Variants in SETD4 observed in about 807,000 individuals in gnomAD.
The protein encoded by SETD4 is SET domain containing 4, also known as SET domain-containing protein 4.
A neutral mutation model predicts 58.3 loss-of-function variants in SETD4; 46 were observed. The ratio of observed to expected loss-of-function variants is 0.79; its 90% CI spans 0.62 to 1.01. SETD4 has a LOEUF of 1.01. SETD4 is among the 50% of genes least tolerant of loss of function. SETD4 has a pLI of 0.00. For missense variants in SETD4, 490 were observed against 523.3 expected (o/e 0.94, Z 0.62); for synonymous variants, 190 against 202.6 (o/e 0.94, Z 0.53).
chr21:36,051,272 CAGTG>C, intron 4 of SETD4: 1 of 1,595,218 alleles, frequency 6.3e-7, no homozygotes, highest in Non-Finnish European at 8.6e-7. Flanking sequence ...GCTCTGTTGA[CAGTG>C]ACCCTGAAAG....
At chr21:36,055,242 T>A (rs1355297192) in intron 3 of SETD4, among the ~76,000 whole-genome samples, 1 of 152,224 alleles carries the variant, frequency 6.6e-6, no homozygotes, top group Non-Finnish European at 1.5e-5. Flanking sequence ...ATGGAATACA[T>A]CTAGAAGATC....
Position 36,041,868 on chromosome 21 carries a change from G to A in SETD4, c.922C>T (p.Pro308Ser), listed in dbSNP as rs370464531. The A allele has an allele frequency of 1.9e-5, 27 of 1,457,974 alleles. No individual in the cohort carries two copies. In the African/African-American group the frequency reaches 3.4e-4, roughly 18 times the overall value. The allele number at this position is 1,457,974 out of a possible 1,614,324, so 90.3% of individuals were successfully genotyped here. Residue 308 changes from proline to serine, a missense_variant, in exon 8 of 12, where the codon CCA becomes TCA. Physicochemically the swap from Pro to Ser is moderately conservative, Grantham distance 74 (BLOSUM62 -1). Coordinates refer to ENST00000332131, the MANE Select transcript of SETD4 (RefSeq NM_017438.5). ...TTGTCCATCTGTTTATCTGTTGATGGAAGATATTTAACAAGTATTTCTATA... is the reference window on the plus strand; with the variant it reads ...TTGTCCATCTGTTTATCTGTTGATGAAAGATATTTAACAAGTATTTCTATA... ...VSREILVKYL[P>S]STDKQMDKKI...
rs374327781 is a variant in SETD4, at chr21:36,050,412, C to G, written c.208-2016G>C. 39 of 1,613,978 alleles carry G rather than the reference C, an allele frequency of 2.4e-5. No homozygotes were observed. In the South Asian group the frequency reaches 3.3e-4, roughly 14 times the overall value. ...CTTGGGTCTGCGGATCAATGGAGAGCTAATCACTGCCTACCCACAAGTGGT... is the reference window on the plus strand; with the variant it reads ...CTTGGGTCTGCGGATCAATGGAGAGGTAATCACTGCCTACCCACAAGTGGT... On this transcript the variant is annotated intron_variant, in intron 4 of 11. Coordinates refer to ENST00000332131, the MANE Select transcript of SETD4 (RefSeq NM_017438.5).
At chr21:36,054,262 T>C (rs1376860131) in intron 3 of SETD4, among the ~76,000 whole-genome samples, 4 of 152,220 alleles carry the variant, frequency 2.6e-5, no homozygotes, top group Admixed American at 2.0e-4. Context: ...TACCAATTAA[T>C]TCAATAAATT....
At chr21:36,056,769 G>C (rs1450583564) in intron 3 of SETD4, among the ~76,000 whole-genome samples, 2 of 152,026 alleles carry the variant, frequency 1.3e-5, no homozygotes, top group Admixed American at 1.3e-4. Context: ...TGTTGGCCAG[G>C]CTGGTCTCAA....
intron 4 of SETD4, chr21:36,050,932 G>A: frequency 6.2e-7 from 1 of 1,610,078 alleles, no homozygotes; most frequent in Non-Finnish European, 8.5e-7. Flanking sequence ...GGGATGATGT[G>A]TTCATTGAGT....
rs1428048600 is a variant in SETD4 at position 36,048,476 on chromosome 21, T to C, written c.208-80A>G. 14 of 1,285,506 alleles carry C rather than the reference T, an allele frequency of 1.1e-5. No individual in the cohort carries two copies. In the Admixed American group the frequency reaches 2.2e-4, roughly 20 times the overall value. The allele number at this position is 1,285,506 out of a possible 1,614,324, so 79.6% of individuals were successfully genotyped here. A position where few individuals can be genotyped will look rare whatever the true frequency, so the allele number is the denominator to read the frequency against. ...AGTATGAGTCTTACAAAGTCGTTGA[T>C]CCCACAATCACCTACCAGTAACCCA... On this transcript the variant is annotated intron_variant, in intron 4 of 11. Transcript: ENST00000332131.
rs536398661 is a variant in SETD4 at position 36,040,675 on chromosome 21, A to T, written c.984-20T>A. 1.9e-4 allele frequency: 308 copies of T among 1,597,036 alleles called. 3 individuals are homozygous for T. In the South Asian group the frequency reaches 3.2e-3, roughly 17 times the overall value. The stretch of plus-strand genomic sequence containing the variant: ...AAATTTCTGAAGTAGAAAAACAAAT[A>T]ATGACAAATCCATCATTTCAGTATT... On this transcript the variant is annotated intron_variant, in intron 8 of 11. Transcript: ENST00000332131.
At chr21:36,056,032 A>C (rs2064967200) in intron 3 of SETD4, among the ~76,000 whole-genome samples, 2 of 152,310 alleles carry the variant, frequency 1.3e-5, no homozygotes, top group Admixed American at 1.3e-4. Flanking sequence ...CAAAAACAGA[A>C]AGTCAAGCAT....
In SETD4 at chr21:36,055,809, T is replaced by A. The variant is rs192276735; in HGVS notation, c.169+1300A>T. ...TTTACTGCTCCAAATTACAAACAGA[T>A]GACCTATTCTCAGGTATTCCATCTA... On this transcript the variant is annotated intron_variant, in intron 3 of 11. Coordinates refer to ENST00000332131, the MANE Select transcript of SETD4 (RefSeq NM_017438.5). Among the ~76,000 whole-genome samples, 301 of 152,306 alleles carry A rather than the reference T, an allele frequency of 2.0e-3. 2 individuals carry two copies. Among genetic ancestry groups the A allele is most frequent in the African/African-American group, 7.0e-3 (289 of 41,554 alleles).
At chr21:36,037,679 G>A (rs2063848298) in intron 10 of SETD4, among the ~76,000 whole-genome samples, 1 of 151,270 alleles carries the variant, frequency 6.6e-6, no homozygotes, top group Non-Finnish European at 1.5e-5. Flanking sequence ...TAGGTACTAT[G>A]TTAACAGTCA....
chr21:36,045,562 C>T lies in SETD4; in HGVS notation c.726+20G>A, dbSNP rs2064279085. On this transcript the variant is annotated intron_variant, in intron 6 of 11. Coordinates refer to ENST00000332131, the MANE Select transcript of SETD4 (RefSeq NM_017438.5). ...CCTTCCTATCCAAATAGAATAGCTG[C>T]TCCCTTGTCAGCTTCTCACCTGGAC... The T allele has an allele frequency of 1.2e-6, 2 of 1,606,540 alleles. No homozygotes were observed. The highest frequency in any genetic ancestry group is 1.1e-5 in the South Asian group (1 of 90,886).
Position 36,043,762 on chromosome 21 carries a change from A to T in SETD4, c.901+20T>A. 1 of 1,612,870 alleles carries T rather than the reference A, an allele frequency of 6.2e-7. No homozygotes were observed. Among genetic ancestry groups the T allele is most frequent in the Non-Finnish European group, 8.5e-7 (1 of 1,179,534 alleles). On this transcript the variant is annotated intron_variant, in intron 7 of 11. Coordinates refer to ENST00000332131, the MANE Select transcript of SETD4 (RefSeq NM_017438.5). ...AAAAAATTATATAGTGTTAATGTTAAGAACAAAGTTGATTCCAACCTCTTG... is the reference window on the plus strand; with the variant it reads ...AAAAAATTATATAGTGTTAATGTTATGAACAAAGTTGATTCCAACCTCTTG...
chr21:36,051,683 T>C (rs1941397200), intron 4 of SETD4, among the ~76,000 whole-genome samples: 1 of 152,254 alleles, frequency 6.6e-6, no homozygotes, highest in Non-Finnish European at 1.5e-5. Context: ...TACTTTTTTT[T>C]TCATGGTCCC....
intron 5 of SETD4, among the ~76,000 whole-genome samples, chr21:36,046,380 T>C (rs1220075485): frequency 6.6e-6 from 1 of 152,180 alleles, no homozygotes; most frequent in Non-Finnish European, 1.5e-5. Context: ...ATATAAAATA[T>C]GGTGGGGAAA....
chr21:36,049,983 G>A (rs1207224220), intron 4 of SETD4, among the ~76,000 whole-genome samples: 1 of 152,122 alleles, frequency 6.6e-6, no homozygotes, highest in African/African-American at 2.4e-5. Flanking sequence ...TAATACTACT[G>A]AACTTCAAAA....
At chr21:36,046,863 A>G (rs1372413348) in intron 5 of SETD4, among the ~76,000 whole-genome samples, 2 of 152,310 alleles carry the variant, frequency 1.3e-5, no homozygotes, top group African/African-American at 4.8e-5. Flanking sequence ...AATGTTAACA[A>G]TGACAGCATC....
At chr21:36,045,315 T>G in intron 6 of SETD4, among the ~76,000 whole-genome samples, 1 of 152,138 alleles carries the variant, frequency 6.6e-6, no homozygotes, top group Non-Finnish European at 1.5e-5. Context: ...CACAGGCTGC[T>G]GGGAAAGACC....
chr21:36,053,756 C>T (rs1247656948), intron 3 of SETD4, 136 bp from the exon 4 acceptor site: 2 of 839,780 alleles, frequency 2.4e-6, no homozygotes, highest in Admixed American at 4.8e-5. Flanking sequence ...CCTTTGATTC[C>T]CAGGGGAAAC....
Sources: allele counts gnomAD v4.1 joint callset (sites outside exome capture counted in the v4.1 genomes callset), GRCh38; gene constraint gnomAD v4.1.1; transcripts MANE v1.5; gene names NCBI Gene and HGNC (gene_info 2026-07-23, HGNC 2026-07-21).